ARHGEF33: variants seen among roughly 807,000 people sequenced by gnomAD.
ARHGEF33 encodes Rho guanine nucleotide exchange factor 33, also known as DH and coiled-coil domain-containing protein ENSP00000381780.
In ARHGEF33, 72 loss-of-function variants were observed where a neutral mutation model predicts 101.9. That is an observed-to-expected ratio of 0.71 (90% CI 0.58 to 0.86). The LOEUF is 0.86. Among genes scored for constraint, ARHGEF33 ranks in the 40% least tolerant of loss-of-function variants. The probability of loss-of-function intolerance (pLI) is 0.00; values close to 1 mark genes in which losing one functional copy is unlikely to be tolerated. For synonymous variants in ARHGEF33, 499 were observed against 442.5 expected, an observed-to-expected ratio of 1.13 and a Z score of -1.60; for missense variants, 1,169 against 1,111.3, an observed-to-expected ratio of 1.05 and a Z score of -0.74.
chr2:38,947,516 A>C (rs984093792), intron 10 of ARHGEF33, among the ~76,000 whole-genome samples: 1 of 152,152 alleles, frequency 6.6e-6, no homozygotes, highest in Non-Finnish European at 1.5e-5. Context: ...CAGCATCCCC[A>C]GCTGGGATTA....
At chr2:38,955,481 CTTTT>C (rs3085350) in intron 13 of ARHGEF33, among the ~76,000 whole-genome samples, 85 of 71,180 alleles carry the variant, frequency 1.2e-3, no homozygotes, top group African/African-American at 3.5e-3. Flanking sequence ...ATTGAAAAGA[CTTTT>C]TTTTTTTTTT....
At chr2:38,939,034 G>A (rs992097629) in intron 9 of ARHGEF33, among the ~76,000 whole-genome samples, 2 of 151,978 alleles carry the variant, frequency 1.3e-5, no homozygotes, top group African/African-American at 2.4e-5. Context: ...GTGCAATGTC[G>A]TGATCTTGGC....
intron 8 of ARHGEF33, 27 bp from the exon 9 acceptor site, chr2:38,937,308 T>TGGGGGGGGGGGGGGGGGGGGGTG: frequency 1.7e-6 from 1 of 593,046 alleles, no homozygotes; most frequent in Non-Finnish European, 2.9e-6. Flanking sequence ...TTTCTTTGTT[T>TGGGGGGGGGGGGGGGGGGGGGTG]CCCCGCCCCT....
chr2:38,949,739 G>A (rs754113968), intron 10 of ARHGEF33, among the ~76,000 whole-genome samples: 16 of 152,254 alleles, frequency 1.1e-4, no homozygotes, highest in Middle Eastern at 3.4e-3. Context: ...AGGTTTAATT[G>A]GATCACGGTT....
chr2:38,937,127 T>C (rs1667160240), intron 8 of ARHGEF33: 2 of 473,898 alleles, frequency 4.2e-6, no homozygotes, highest in South Asian at 4.8e-5. Context: ...CCTGAGTAGC[T>C]GGGACTACAG....
intron 9 of ARHGEF33, among the ~76,000 whole-genome samples, chr2:38,940,361 T>TCAAGTGATC (rs1421346410): frequency 6.6e-6 from 1 of 152,026 alleles, no homozygotes; most frequent in Non-Finnish European, 1.5e-5. Context: ...CATCCTGGGC[T>TCAAGTGATC]CAAGTGATCC....
intron 16 of ARHGEF33, among the ~76,000 whole-genome samples, chr2:38,963,023 C>CAA (rs34417172): frequency 9.8e-6 from 1 of 102,030 alleles, no homozygotes; most frequent in African/African-American, 3.9e-5. Flanking sequence ...GACTCTGTCT[C>CAA]AAAAAAAAAA....
intron 9 of ARHGEF33, among the ~76,000 whole-genome samples, chr2:38,939,855 T>C (rs996079948): frequency 6.6e-6 from 1 of 152,230 alleles, no homozygotes; most frequent in Non-Finnish European, 1.5e-5. Context: ...GACTTTCTTG[T>C]CTTTCTGAGA....
At chr2:38,953,310 C>T (rs1377024460) in intron 12 of ARHGEF33, 65 bp downstream of exon 12, 5 of 958,918 alleles carry the variant, frequency 5.2e-6, no homozygotes, top group Non-Finnish European at 8.3e-6. Flanking sequence ...GTTGCTCATC[C>T]ACCCAGTCAA....
At chr2:38,908,418 T>A (rs1450103891) in intron 2 of ARHGEF33, among the ~76,000 whole-genome samples, 1 of 152,206 alleles carries the variant, frequency 6.6e-6, no homozygotes, top group Non-Finnish European at 1.5e-5. Flanking sequence ...TGATAAGTTT[T>A]TATGTCTTCA....
At position 38,953,197 on chromosome 2, in the gene ARHGEF33, G is replaced by A; in HGVS notation, c.1089G>A (p.Arg363=). The A allele has an allele frequency of 1.9e-6, 3 of 1,543,820 alleles. No individual in the cohort carries two copies. The highest frequency in any genetic ancestry group is 2.6e-6 in the Non-Finnish European group (3 of 1,139,618). ...TGGATTATTATGTTGCCTACCTAAG[G>A]GACCTGCCTGAGTGCATCTCATTGG... ...NFLDYYVAYL[R]DLPECISLVH... The change falls in exon 12 of 18, where the codon AGG becomes AGA. Residue 363 remains arginine (R), a synonymous_variant. Coordinates refer to ENST00000409978, the MANE Select transcript of ARHGEF33 (RefSeq NM_001145451.5).
chr2:38,945,908 TA>T (rs1400396218), intron 10 of ARHGEF33, among the ~76,000 whole-genome samples: 2 of 152,136 alleles, frequency 1.3e-5, no homozygotes, highest in Admixed American at 1.3e-4. Flanking sequence ...CAGAACCAAT[TA>T]GTGCCGGGAT....
At position 38,900,300 on chromosome 2, in the gene ARHGEF33, T is replaced by A. The variant is rs566510481; in HGVS notation, c.-86+4451T>A. Among the ~76,000 whole-genome samples the A allele has an allele frequency of 2.6e-5, 4 of 152,252 alleles. No individual in the cohort carries two copies. In the East Asian group the frequency reaches 7.7e-4, roughly 29 times the overall value. ...ATGTAGCAGAAGAGGGATTGACTAA[T>A]TATGACTTAGAGGATAGGGGCAAGC... On this transcript the variant is annotated intron_variant, in intron 2 of 17. Coordinates refer to ENST00000409978, the MANE Select transcript of ARHGEF33 (RefSeq NM_001145451.5).
intron 2 of ARHGEF33, among the ~76,000 whole-genome samples, chr2:38,914,885 G>T (rs1237435550): frequency 6.6e-6 from 1 of 151,840 alleles, no homozygotes; most frequent in Non-Finnish European, 1.5e-5. Flanking sequence ...GATTGGGGAG[G>T]AACACTTTTA....
intron 16 of ARHGEF33, among the ~76,000 whole-genome samples, chr2:38,964,703 T>C (rs1235230534): frequency 1.3e-5 from 2 of 152,078 alleles, no homozygotes; most frequent in African/African-American, 4.8e-5. Flanking sequence ...CTTCGCTTGC[T>C]CACCCACCCC....
At chr2:38,927,467 G>A (rs1247657263) in intron 4 of ARHGEF33, among the ~76,000 whole-genome samples, 1 of 152,180 alleles carries the variant, frequency 6.6e-6, no homozygotes, top group African/African-American at 2.4e-5. Context: ...AGGCCAAGAA[G>A]GGTGGATCAC....
chr2:38,894,669 A>G (rs983615029), intron 1 of ARHGEF33, among the ~76,000 whole-genome samples: 2 of 152,194 alleles, frequency 1.3e-5, no homozygotes, highest in Non-Finnish European at 2.9e-5. Flanking sequence ...AGCCAGCAGG[A>G]ACGAGGAATG....
Position 38,937,344 on chromosome 2 carries a change from C to A in ARHGEF33, c.575C>A (p.Pro192Gln). 1 of 1,037,556 alleles carries A rather than the reference C, an allele frequency of 9.6e-7. No individual in the cohort carries two copies. The highest frequency in any genetic ancestry group is 1.3e-6 in the Non-Finnish European group (1 of 745,464). 64.3% of individuals were successfully genotyped at this position (1,037,556 alleles called of 1,614,324 possible). A position where few individuals can be genotyped will look rare whatever the true frequency, so the allele number is the denominator to read the frequency against. The change falls in exon 9 of 18, where the codon CCA (proline) becomes CAA (glutamine). Residue 192 changes from proline to glutamine, a missense_variant. Transcript: ENST00000409978. ...CCCCCCACCCCACCAGGAGTGAACC[C>A]AACAACTCCAGAAGCAGAAGAAAAC... ...VKGMMGPGVN[P>Q]TTPEAEENLK... is the part of the protein sequence containing the mutation.
intron 1 of ARHGEF33, among the ~76,000 whole-genome samples, chr2:38,893,467 T>TA (rs1666051190): frequency 6.6e-6 from 1 of 152,192 alleles, no homozygotes. Flanking sequence ...GCCCCTCTGG[T>TA]GATCCCCTTT....
Sources: gnomAD v4.1 joint callset for allele counts (sites outside exome capture counted in the v4.1 genomes callset) on GRCh38, gnomAD v4.1.1 for gene constraint, MANE v1.5 for transcripts, NCBI Gene and HGNC (gene_info 2026-07-23, HGNC 2026-07-21) for gene names.